Variants in CARMIL1 observed in about 807,000 individuals in gnomAD.
The protein encoded by CARMIL1 is F-actin-uncapping protein LRRC16A.
A neutral mutation model predicts 177.1 loss-of-function variants in CARMIL1; 90 were observed. That is an observed-to-expected ratio of 0.51 (90% confidence interval 0.43 to 0.61). CARMIL1 has a LOEUF of 0.61. CARMIL1 is among the 20% of genes least tolerant of loss of function. The pLI, the probability that CARMIL1 is intolerant of heterozygous loss-of-function variation, is 0.00. For missense variants in CARMIL1, 1,380 were observed against 1,667.0 expected (o/e 0.83, Z 3.00); for synonymous variants, 577 against 606.2 (o/e 0.95, Z 0.71).
intron 2 of CARMIL1, among the ~76,000 whole-genome samples, chr6:25,333,646 G>GT (rs372555404): frequency 9.1e-4 from 138 of 151,456 alleles, no homozygotes; most frequent in Non-Finnish European, 1.2e-3. Flanking sequence ...ACAGTGGAGG[G>GT]TTTTTTTTTG....
intron 2 of CARMIL1, among the ~76,000 whole-genome samples, chr6:25,373,333 G>A (rs1375127931): frequency 6.7e-6 from 1 of 150,074 alleles, no homozygotes; most frequent in African/African-American, 2.5e-5. Context: ...CAGCAGATTG[G>A]TACCAATTTT....
Position 25,528,987 on chromosome 6 carries a change from C to T in CARMIL1, c.2067+94C>T, listed in dbSNP as rs1807448519. ...AGCATTCGAGTAATTTCCAATGGGT[C>T]AATAAGAACTAGTTTTTGAAAATGA... On this transcript the variant is annotated intron_variant, in intron 24 of 36. Coordinates refer to ENST00000329474, the MANE Select transcript of CARMIL1 (RefSeq NM_017640.6). 20 of 891,268 alleles carry T rather than the reference C, an allele frequency of 2.2e-5. No individual in the cohort carries two copies. In the South Asian group the frequency reaches 2.9e-4, roughly 13 times the overall value. The allele number at this position is 891,268 out of a possible 1,614,324, so 55.2% of individuals were successfully genotyped here.
At chr6:25,586,016 C>G (rs991982170) in intron 31 of CARMIL1, among the ~76,000 whole-genome samples, 1 of 152,186 alleles carries the variant, frequency 6.6e-6, no homozygotes, top group African/African-American at 2.4e-5. Context: ...TTCTATTTGA[C>G]AAAACCGCCA....
Position 25,573,900 on chromosome 6 carries a change from T to A in CARMIL1, c.2743-7024T>A, listed in dbSNP as rs565807576. Among the ~76,000 whole-genome samples the A allele has an allele frequency of 5.9e-5, 9 of 152,322 alleles. No homozygotes were observed. The South Asian group carries it at 1.7e-3, about 28-fold the overall frequency. ...GTGGCACTGGGATTTTTATTTAATT[T>A]GAGTTCTTGGGCTCTGGAAAACAAT... On this transcript the variant is annotated intron_variant, in intron 29 of 36. Transcript: ENST00000329474.
chr6:25,600,135 G>A (rs1815244898), intron 32 of CARMIL1, among the ~76,000 whole-genome samples, 179 bp from the exon 33 acceptor site: 1 of 152,154 alleles, frequency 6.6e-6, no homozygotes, highest in Admixed American at 6.5e-5. Context: ...ACGTGAATAT[G>A]ATAATGATAT....
chr6:25,572,001 A>C (rs1479026310), intron 29 of CARMIL1, among the ~76,000 whole-genome samples: 1 of 152,222 alleles, frequency 6.6e-6, no homozygotes, highest in African/African-American at 2.4e-5. Context: ...CTTGAGGGAC[A>C]GTTGGGGGAA....
intron 8 of CARMIL1, among the ~76,000 whole-genome samples, chr6:25,452,882 A>G (rs1582003642): frequency 1.3e-5 from 2 of 152,230 alleles, no homozygotes; most frequent in South Asian, 4.1e-4. Flanking sequence ...ACCAAAACTC[A>G]ACAAGTGGTG....
At chr6:25,439,485 G>T (rs1286333649) in intron 5 of CARMIL1, among the ~76,000 whole-genome samples, 5 of 152,220 alleles carry the variant, frequency 3.3e-5, no homozygotes, top group Non-Finnish European at 5.9e-5. Flanking sequence ...ACTAGGAAGA[G>T]CCACAAATGG....
At chr6:25,592,404 A>T (rs1460540506) in intron 31 of CARMIL1, among the ~76,000 whole-genome samples, 1 of 152,228 alleles carries the variant, frequency 6.6e-6, no homozygotes, top group Non-Finnish European at 1.5e-5. Flanking sequence ...GTTCTGTACT[A>T]CTTTATCTTT....
At chr6:25,385,897 T>G (rs1368908270) in intron 2 of CARMIL1, among the ~76,000 whole-genome samples, 1 of 152,224 alleles carries the variant, frequency 6.6e-6, no homozygotes, top group Non-Finnish European at 1.5e-5. Context: ...GAGAGAAACT[T>G]CAGTCTGACT....
In CARMIL1 at chr6:25,286,111, G is replaced by C. The variant is rs191638874; in HGVS notation, c.138+1202G>C. Among the ~76,000 whole-genome samples, 10 of 152,312 alleles carry C rather than the reference G, an allele frequency of 6.6e-5. No individual in the cohort carries two copies. In the East Asian group the frequency reaches 1.9e-3, roughly 29 times the overall value. On this transcript the variant is annotated intron_variant, in intron 2 of 36. Transcript: ENST00000329474. ...TGGTCTCAAACTCCTGGACTCAAGC[G>C]ATCTGCCTGCCTCGGCCTCCCGAAG...
chr6:25,489,902 T>C (rs1470584334), intron 13 of CARMIL1, among the ~76,000 whole-genome samples: 7 of 152,124 alleles, frequency 4.6e-5, no homozygotes, highest in Non-Finnish European at 4.4e-5. Flanking sequence ...ACCAAAATAA[T>C]ACTGTGGCAA....
intron 29 of CARMIL1, among the ~76,000 whole-genome samples, chr6:25,561,079 C>T (rs547648752): frequency 5.6e-4 from 86 of 152,256 alleles, no homozygotes; most frequent in African/African-American, 1.8e-3. Flanking sequence ...CATGCTGAAA[C>T]GTGTATTTCT....
rs1366664434 is a variant in CARMIL1, at chr6:25,558,414, C to G, written c.2742+1564C>G. 3.3e-5 allele frequency among the ~76,000 whole-genome samples: 5 copies of G among 152,018 alleles called. No homozygotes were observed. The highest frequency in any genetic ancestry group is 7.4e-5 in the Non-Finnish European group (5 of 67,996). On this transcript the variant is annotated intron_variant, in intron 29 of 36. Coordinates refer to ENST00000329474, the MANE Select transcript of CARMIL1 (RefSeq NM_017640.6). This position sits in a 1 kb window ranked among gnomAD's most constrained non-coding sequence, Gnocchi z 4.1. ...TAACGTTGGTTTTAAACTGTGTAAACTTTGTTTGGAAGTAAGTTTTTTTGT... is the reference window on the plus strand; with the variant it reads ...TAACGTTGGTTTTAAACTGTGTAAAGTTTGTTTGGAAGTAAGTTTTTTTGT...
chr6:25,449,771 TTGAAGAAAAACTGAAATTGAAGTGACCC>T (rs1798601287), intron 5 of CARMIL1, 99 bp from the exon 6 acceptor site: 1 of 559,254 alleles, frequency 1.8e-6, no homozygotes, highest in African/African-American at 1.9e-5. Flanking sequence ...AATTGAAAAA[TTGAAGAAAAACTGAAATTGAAGTGACCC>T]TCATCTTTGT....
intron 24 of CARMIL1, among the ~76,000 whole-genome samples, chr6:25,530,920 AT>A (rs1373815007): frequency 6.6e-6 from 1 of 152,200 alleles, no homozygotes; most frequent in South Asian, 2.1e-4. Flanking sequence ...GAGGGTTTAA[AT>A]TTTTAATGTT....
At chr6:25,406,297 C>G (rs1479641471) in intron 2 of CARMIL1, among the ~76,000 whole-genome samples, 1 of 152,118 alleles carries the variant, frequency 6.6e-6, no homozygotes. Flanking sequence ...GGGATAGCTC[C>G]TAAAGCAGAG....
chr6:25,325,761 C>G (rs1785035793), intron 2 of CARMIL1, among the ~76,000 whole-genome samples: 1 of 152,036 alleles, frequency 6.6e-6, no homozygotes, highest in Non-Finnish European at 1.5e-5. Flanking sequence ...CAGCAAGAGA[C>G]AAACATATGC....
chr6:25,381,886 C>A (rs1002441667), intron 2 of CARMIL1, among the ~76,000 whole-genome samples: 5 of 152,112 alleles, frequency 3.3e-5, no homozygotes, highest in Non-Finnish European at 5.9e-5. Flanking sequence ...GCTGAAAGTT[C>A]ATTCCTCAAA....
Sources: allele counts gnomAD v4.1 joint callset (sites outside exome capture counted in the v4.1 genomes callset), GRCh38; gene constraint gnomAD v4.1.1; non-coding constraint Gnocchi (gnomAD v3.1); transcripts MANE v1.5; gene names NCBI Gene and HGNC (gene_info 2026-07-23, HGNC 2026-07-21).